DENND2B: variants seen among roughly 807,000 people sequenced by gnomAD.
DENND2B encodes DENN domain containing 2B, also known as DENN domain-containing protein 2B.
Under a neutral mutation model 116.0 loss-of-function variants are expected in DENND2B, and 32 were observed. The observed-to-expected ratio is 0.28, with a 90% CI of 0.21 to 0.37. The LOEUF is 0.37. Ranked by LOEUF, DENND2B falls within the 10% of genes least tolerant of loss-of-function variation. DENND2B has a pLI of 1.00. For synonymous variants in DENND2B, 588 were observed against 583.9 expected (o/e 1.01, Z -0.10); for missense variants, 1,276 against 1,477.7 (o/e 0.86, Z 2.24).
At chr11:8,713,898 C>T in intron 8 of DENND2B, 100 bp downstream of exon 8, 1 of 1,321,568 alleles carries the variant, frequency 7.6e-7, no homozygotes, top group Non-Finnish European at 1.1e-6. Context: ...CCACATCAGG[C>T]CGGTTAGGGA....
At chr11:8,742,722 C>T (rs1565811402) in intron 2 of DENND2B, among the ~76,000 whole-genome samples, 2 of 152,238 alleles carry the variant, frequency 1.3e-5, no homozygotes, top group South Asian at 4.1e-4. Context: ...CTGGTTTTCA[C>T]TTCCAGTACC....
chr11:8,837,888 G>A (rs2062490316), intron 4 of DENND2B, among the ~76,000 whole-genome samples: 1 of 152,170 alleles, frequency 6.6e-6, no homozygotes, highest in South Asian at 2.1e-4. Context: ...GATCTGGGCT[G>A]AGTTTCAAAT....
At chr11:8,757,326 T>A (rs755794736) in intron 1 of DENND2B, among the ~76,000 whole-genome samples, 1 of 152,200 alleles carries the variant, frequency 6.6e-6, no homozygotes, top group Non-Finnish European at 1.5e-5. Flanking sequence ...AACCTCTCCA[T>A]TCCCAAGTCT....
chr11:8,797,761 T>C (rs2059963009), intron 1 of DENND2B, among the ~76,000 whole-genome samples: 1 of 152,010 alleles, frequency 6.6e-6, no homozygotes, highest in South Asian at 2.1e-4. Flanking sequence ...CCTACTCTTT[T>C]TCCTGATTCT....
At chr11:8,869,180 G>A (rs1430969307) in intron 2 of DENND2B, among the ~76,000 whole-genome samples, 1 of 152,150 alleles carries the variant, frequency 6.6e-6, no homozygotes, top group Non-Finnish European at 1.5e-5. Flanking sequence ...TCAAGACCAA[G>A]GATTTCCCTA....
intron 1 of DENND2B, among the ~76,000 whole-genome samples, chr11:8,786,849 A>C (rs1253022084): frequency 6.6e-6 from 1 of 152,062 alleles, no homozygotes; most frequent in African/African-American, 2.4e-5. Context: ...ACAAAAAAAA[A>C]CAAGATTAGA....
chr11:8,751,267 C>A (rs1031267950), intron 1 of DENND2B, among the ~76,000 whole-genome samples: 1 of 152,074 alleles, frequency 6.6e-6, no homozygotes, highest in Non-Finnish European at 1.5e-5. Flanking sequence ...TTTGTAAATG[C>A]ACCAATCAGC....
At position 8,694,126 on chromosome 11, in the gene DENND2B, G is replaced by A. The variant is rs1421716269; in HGVS notation, c.3384C>T (p.Asn1128=). ...TCTTCTTGTGGAGAAACTTCATTTT[G>A]TTGCCTGTGGGCCAGAGAGGACAAG... The part of the protein sequence containing the change: ...GMNKFLRGLG[N]KMKFLHKKN The change falls in exon 20 of 20, where the codon AAC becomes AAT. Residue 1128 remains asparagine, a synonymous_variant. Coordinates refer to ENST00000313726, the MANE Select transcript of DENND2B (RefSeq NM_213618.2). 6.2e-7 allele frequency: 1 copy of A among 1,614,002 alleles called. No homozygotes were observed. The highest frequency in any genetic ancestry group is 2.2e-5 in the East Asian group (1 of 44,878).
Position 8,855,362 on chromosome 11 carries a change from T to C in DENND2B, c.-156+1981A>G, listed in dbSNP as rs1253694314. 2.0e-5 allele frequency among the ~76,000 whole-genome samples: 3 copies of C among 151,258 alleles called. No individual in the cohort carries two copies. The East Asian group carries it at 6.1e-4, about 31-fold the overall frequency. ...ACTCCTCTTGGGCGCCCATCTTATG[T>C]TCCTCTCTTTTATTCTGAGCAGCAG... On this transcript the variant is annotated intron_variant, in intron 3 of 6. Transcript: ENST00000524757.
intron 1 of DENND2B, among the ~76,000 whole-genome samples, chr11:8,892,480 CA>C (rs1376272169): frequency 2.6e-5 from 4 of 151,822 alleles, no homozygotes; most frequent in African/African-American, 9.7e-5. Flanking sequence ...AAAAGATCAA[CA>C]AAATTGATAG....
intron 1 of DENND2B, chr11:8,809,890 C>G (rs961753450): frequency 2.0e-5 from 3 of 151,422 alleles, no homozygotes; most frequent in African/African-American, 7.3e-5. Flanking sequence ...TGTGATCGAC[C>G]TTTTGATGTG....
chr11:8,702,555 GC>G lies in DENND2B; in HGVS notation c.2720+16del, dbSNP rs759958280. On this transcript the variant is annotated intron_variant, in intron 14 of 19. Coordinates refer to ENST00000313726, the MANE Select transcript of DENND2B (RefSeq NM_213618.2). The surrounding 1 kb of genome is among the most constrained non-coding windows in gnomAD (Gnocchi z 4.6). Reference sequence around the variant, plus strand: ...CTTCCCCCCTCCCTTCTGCTTTCTTGCCCGGCTGGGCCCTACCTGAGCTTAT... The same window carrying G: ...CTTCCCCCCTCCCTTCTGCTTTCTTGCCGGCTGGGCCCTACCTGAGCTTAT... The G allele has an allele frequency of 1.9e-6, 3 of 1,609,302 alleles. No homozygotes were observed. Among genetic ancestry groups the G allele is most frequent in the Non-Finnish European group, 2.5e-6 (3 of 1,179,964 alleles).
chr11:8,709,418 C>T lies in DENND2B; in HGVS notation c.2352+1427G>A, dbSNP rs549993151. Among the ~76,000 whole-genome samples the T allele has an allele frequency of 2.6e-5, 4 of 152,326 alleles. No homozygotes were observed. In the East Asian group the frequency reaches 5.8e-4, roughly 22 times the overall value. ...GCACGCCAGGACAAACACGCTCTTCCCTGGGGGCAGCAGCCCCACTACAAA... is the reference window on the plus strand; with the variant it reads ...GCACGCCAGGACAAACACGCTCTTCTCTGGGGGCAGCAGCCCCACTACAAA... On this transcript the variant is annotated intron_variant, in intron 11 of 19. Transcript: ENST00000313726.
At chr11:8,824,853 A>ATTTTTTTTT in intron 4 of DENND2B, among the ~76,000 whole-genome samples, 1 of 130,238 alleles carries the variant, frequency 7.7e-6, no homozygotes, top group African/African-American at 2.9e-5. Context: ...ACACCCAGCT[A>ATTTTTTTTT]TTTTTTTTTT....
chr11:8,867,708 G>C (rs1419834957), intron 2 of DENND2B, among the ~76,000 whole-genome samples: 1 of 151,202 alleles, frequency 6.6e-6, no homozygotes, highest in African/African-American at 2.4e-5. Context: ...TTAGCCTCCT[G>C]AATAGTTGGG....
intron 4 of DENND2B, among the ~76,000 whole-genome samples, chr11:8,722,582 G>C (rs879299809): frequency 6.6e-6 from 1 of 152,134 alleles, no homozygotes; most frequent in Non-Finnish European, 1.5e-5. Context: ...CCAAACTCTC[G>C]GGCCTGTCCC....
intron 1 of DENND2B, among the ~76,000 whole-genome samples, chr11:8,802,023 G>A (rs976522147): frequency 5.4e-5 from 8 of 149,454 alleles, no homozygotes; most frequent in East Asian, 2.0e-4. Context: ...AAAAAGGGCC[G>A]GGTGCAGTGG....
At chr11:8,853,512 T>TG (rs1420863174) in intron 3 of DENND2B, among the ~76,000 whole-genome samples, 2 of 152,202 alleles carry the variant, frequency 1.3e-5, no homozygotes, top group Non-Finnish European at 2.9e-5. Context: ...TCCAGAACTG[T>TG]GAGCAATACA....
chr11:8,844,430 T>C (rs1004329686), intron 3 of DENND2B, among the ~76,000 whole-genome samples: 1 of 152,134 alleles, frequency 6.6e-6, no homozygotes, highest in African/African-American at 2.4e-5. Context: ...AATAAATAAA[T>C]ATTTACATTT....
Sources: gnomAD v4.1 joint callset for allele counts (sites outside exome capture counted in the v4.1 genomes callset) on GRCh38, gnomAD v4.1.1 for gene constraint, Gnocchi (gnomAD v3.1) non-coding constraint, MANE v1.5 for transcripts, NCBI Gene and HGNC (gene_info 2026-07-23, HGNC 2026-07-21) for gene names.